RAD51B: variants seen among roughly 807,000 people sequenced by gnomAD.
The protein encoded by RAD51B is RAD51 paralog B.
RAD51B carries 38 observed loss-of-function variants against 42.2 expected under a neutral mutation model. The ratio of observed to expected loss-of-function variants is 0.90; its 90% CI spans 0.70 to 1.18. RAD51B has a LOEUF of 1.18. Ranked by LOEUF, RAD51B falls within the 50% of genes most tolerant of loss-of-function variation. The pLI is 0.00. For missense variants in RAD51B, 373 were observed against 400.7 expected (o/e 0.93, Z 0.59); for synonymous variants, 154 against 145.2 (o/e 1.06, Z -0.43).
chr14:68,005,597 T>G (rs2075575887), intron 7 of RAD51B, among the ~76,000 whole-genome samples: 1 of 152,198 alleles, frequency 6.6e-6, no homozygotes, highest in South Asian at 2.1e-4. Context: ...GGGCTTCGTA[T>G]TTAACTACTA....
At chr14:68,517,396 A>C (rs1160904911) in intron 10 of RAD51B, among the ~76,000 whole-genome samples, 2 of 152,212 alleles carry the variant, frequency 1.3e-5, no homozygotes, top group African/African-American at 4.8e-5. Context: ...GTAAGTTTGT[A>C]GCAGTGAAGA....
At chr14:68,172,005 C>T (rs1483334271) in intron 7 of RAD51B, among the ~76,000 whole-genome samples, 1 of 152,202 alleles carries the variant, frequency 6.6e-6, no homozygotes, top group Non-Finnish European at 1.5e-5. Context: ...CCACACCCAG[C>T]CATATTTCTC....
chr14:68,411,602 G>GA (rs1566867661), intron 9 of RAD51B, 75 bp downstream of exon 9: 1 of 1,389,656 alleles, frequency 7.2e-7, no homozygotes, highest in African/African-American at 1.4e-5. Context: ...AGCGTCTTCT[G>GA]AAAATGCTGG....
At position 68,282,752 on chromosome 14, in the gene RAD51B, G is replaced by T. The variant is rs1045303839; in HGVS notation, c.757-9132G>T. ...CCATTTTATGCTACAGATTCACTCT[G>T]GAGATAGAATTGGTTGCACCTCTCC... On this transcript the variant is annotated intron_variant, in intron 7 of 10. Coordinates refer to ENST00000471583, the MANE Select transcript of RAD51B (RefSeq NM_133510.4). 1.8e-4 allele frequency among the ~76,000 whole-genome samples: 28 copies of T among 152,182 alleles called. 1 individual carries two copies. The highest frequency in any genetic ancestry group is 2.9e-5 in the Non-Finnish European group (2 of 68,024).
chr14:68,382,496 ATTAT>A (rs4048737), intron 8 of RAD51B, among the ~76,000 whole-genome samples: 67,016 of 151,720 alleles, frequency 0.44, 16,536 homozygotes, highest in South Asian at 0.58. Flanking sequence ...GCAAATACAA[ATTAT>A]TTATTTGTTC....
chr14:68,410,751 G>A lies in RAD51B; in HGVS notation c.854-673G>A, dbSNP rs369648557. 7.9e-5 allele frequency among the ~76,000 whole-genome samples: 12 copies of A among 152,338 alleles called. No homozygotes were observed. The South Asian group carries it at 2.3e-3, about 29-fold the overall frequency. On this transcript the variant is annotated intron_variant, in intron 8 of 10. Coordinates refer to ENST00000471583, the MANE Select transcript of RAD51B (RefSeq NM_133510.4). ...CTCATGGTGATATCAAGAAGGGTCA[G>A]TAAAGCTTTGGAGATGTAAGATGCA... is the stretch of plus-strand genomic sequence containing the variant.
At chr14:68,678,356 T>A (rs1288416815) in intron 11 of RAD51B, among the ~76,000 whole-genome samples, 1 of 152,202 alleles carries the variant, frequency 6.6e-6, no homozygotes, top group African/African-American at 2.4e-5. Context: ...AAGAATGAAT[T>A]GTTATTTGAA....
chr14:68,531,831 A>G (rs1435191089), intron 10 of RAD51B, among the ~76,000 whole-genome samples: 2 of 152,098 alleles, frequency 1.3e-5, no homozygotes, highest in East Asian at 3.9e-4. Context: ...AGACCCTGTC[A>G]CTACGAAAAA....
chr14:68,091,110 A>G (rs2077090659), intron 7 of RAD51B, among the ~76,000 whole-genome samples: 1 of 152,130 alleles, frequency 6.6e-6, no homozygotes, highest in South Asian at 2.1e-4. Flanking sequence ...ATTGTTGGAC[A>G]TTTGGGTTGG....
chr14:68,566,845 C>T (rs1363411489), intron 10 of RAD51B, among the ~76,000 whole-genome samples: 4 of 152,108 alleles, frequency 2.6e-5, no homozygotes, highest in Non-Finnish European at 5.9e-5. Context: ...CCCAACTTGC[C>T]TATCAAACCT....
intron 7 of RAD51B, among the ~76,000 whole-genome samples, chr14:68,198,474 AAAACTATT>A (rs1242550293): frequency 6.6e-6 from 1 of 152,224 alleles, no homozygotes; most frequent in Non-Finnish European, 1.5e-5. Flanking sequence ...ATTTTGAGAA[AAAACTATT>A]AAGTTTTCAC....
chr14:68,681,753 T>C (rs954775718), intron 11 of RAD51B, among the ~76,000 whole-genome samples: 3 of 152,228 alleles, frequency 2.0e-5, no homozygotes, highest in Admixed American at 6.5e-5. Flanking sequence ...GTAGGCTTTG[T>C]AGTTCTCAGC....
chr14:68,393,962 A>G (rs1429508463), intron 8 of RAD51B, among the ~76,000 whole-genome samples: 1 of 152,116 alleles, frequency 6.6e-6, no homozygotes, highest in Non-Finnish European at 1.5e-5. Context: ...AAGAAGACAG[A>G]GGAAGAGAAG....
chr14:68,230,357 T>C (rs1445664745), intron 7 of RAD51B, among the ~76,000 whole-genome samples: 1 of 152,140 alleles, frequency 6.6e-6, no homozygotes, highest in Non-Finnish European at 1.5e-5. Context: ...AAACTAATGG[T>C]CACGTCAAGG....
chr14:68,230,647 A>G (rs1023857324), intron 7 of RAD51B, among the ~76,000 whole-genome samples: 9 of 152,226 alleles, frequency 5.9e-5, no homozygotes, highest in Admixed American at 4.6e-4. Flanking sequence ...TATGGGATCT[A>G]CAGTGAGGGA....
intron 3 of RAD51B, among the ~76,000 whole-genome samples, chr14:67,827,924 A>G (rs2040888897): frequency 6.6e-6 from 1 of 152,140 alleles, no homozygotes; most frequent in Non-Finnish European, 1.5e-5. Flanking sequence ...TGTCTTTGCT[A>G]TTGTGAATAG....
rs116345274 is a variant in RAD51B, at chr14:68,028,715, A to C, written c.756+141511A>C. On this transcript the variant is annotated intron_variant, in intron 7 of 10. Coordinates refer to ENST00000471583, the MANE Select transcript of RAD51B (RefSeq NM_133510.4). ...GGCTGCACTGCACACATGCTCTTGC[A>C]GTGGGGGGTCAGGGAGGGGCCCTGG... Among the ~76,000 whole-genome samples the C allele has an allele frequency of 6.9e-3, 1,048 of 152,292 alleles. 11 individuals carry two copies. Among genetic ancestry groups the C allele is most frequent in the African/African-American group, 0.024 (984 of 41,566 alleles).
At chr14:68,332,733 A>C (rs944841496) in intron 8 of RAD51B, among the ~76,000 whole-genome samples, 4 of 147,128 alleles carry the variant, frequency 2.7e-5, no homozygotes, top group African/African-American at 1.0e-4. Context: ...GAAGAAAAAA[A>C]CTGAAGTGCA....
At chr14:68,415,119 C>T (rs942497734) in intron 9 of RAD51B, among the ~76,000 whole-genome samples, 2 of 150,646 alleles carry the variant, frequency 1.3e-5, no homozygotes, top group African/African-American at 4.9e-5. Context: ...TATACCAATG[C>T]CAATGCCCCA....
Sources: gnomAD v4.1 joint callset for allele counts (sites outside exome capture counted in the v4.1 genomes callset) on GRCh38, gnomAD v4.1.1 for gene constraint, MANE v1.5 for transcripts, NCBI Gene and HGNC (gene_info 2026-07-23, HGNC 2026-07-21) for gene names.